The following GAL3ST3 variants were observed in gnomAD, a reference collection of about 807,000 sequenced individuals.
GAL3ST3 encodes the protein galactose-3-O-sulfotransferase 3.
GAL3ST3 carries 21 observed loss-of-function variants against 20.8 expected under a neutral mutation model. The observed-to-expected ratio is 1.01, with a 90% CI of 0.72 to 1.45. GAL3ST3 has a LOEUF of 1.45. Among genes scored for constraint, GAL3ST3 ranks in the 40% most tolerant of loss-of-function variants. The probability of loss-of-function intolerance (pLI) is 0.00; values close to 1 mark genes in which losing one functional copy is unlikely to be tolerated. For missense variants in GAL3ST3, 739 were observed against 662.7 expected (o/e 1.12, Z -1.26); for synonymous variants, 355 against 307.2 (o/e 1.16, Z -1.63).
chr11:66,044,802 G>T (rs1856762489), intron 2 of GAL3ST3, among the ~76,000 whole-genome samples: 1 of 152,176 alleles, frequency 6.6e-6, no homozygotes, highest in African/African-American at 2.4e-5. Flanking sequence ...ATTCTCAGGG[G>T]CAGACAGTGT....
chr11:66,045,099 A>G, intron 2 of GAL3ST3, 192 bp downstream of exon 2: 1 of 442,800 alleles, frequency 2.3e-6, no homozygotes, highest in Non-Finnish European at 4.0e-6. Flanking sequence ...ATCTCAGCTA[A>G]CTGATTCTGT....
rs952819668 is a variant in GAL3ST3 at position 66,045,349 on chromosome 11, G to A, written c.67C>T (p.Leu23=). The stretch of plus-strand genomic sequence containing the variant: ...CTTACGGTGCTGCACCCTAGCACCA[G>A]CAGCAGGATTTTCCGGCGGCTCATC... ...KMMSRRKILL[L]VLGCSTVSLL... Residue 23 remains leucine, a synonymous_variant, in exon 2 of 3, where the codon CTG becomes TTG. Transcript: ENST00000312006. The A allele has an allele frequency of 3.7e-6, 6 of 1,608,306 alleles. No homozygotes were observed. The African/African-American group carries it at 6.7e-5, about 18-fold the overall frequency.
Position 66,042,914 on chromosome 11 carries a change from G to A in GAL3ST3, c.889C>T (p.Leu297Phe). The A allele has an allele frequency of 8.2e-7, 1 of 1,225,534 alleles. No homozygotes were observed. Among genetic ancestry groups the A allele is most frequent in the Non-Finnish European group, 1.0e-6 (1 of 973,106 alleles). 75.9% of individuals were successfully genotyped at this position (1,225,534 alleles called of 1,614,324 possible). ...ARTWNALDAG[L>F]YDHFNATFWR... ...AAGGTGGCGTTGAAGTGGTCGTAGAGGCCGGCGTCCAGGGCGTTCCAGGTG... is the reference window on the plus strand; with the variant it reads ...AAGGTGGCGTTGAAGTGGTCGTAGAAGCCGGCGTCCAGGGCGTTCCAGGTG... Residue 297 changes from leucine to phenylalanine, a missense_variant, in exon 3 of 3, where the codon CTC (leucine) becomes TTC (phenylalanine). By Grantham distance (22) the Leu-to-Phe change is conservative. Coordinates refer to ENST00000312006, the MANE Select transcript of GAL3ST3 (RefSeq NM_033036.3).
chr11:66,047,066 G>A (rs572956806), intron 1 of GAL3ST3, among the ~76,000 whole-genome samples: 18 of 152,152 alleles, frequency 1.2e-4, no homozygotes, highest in African/African-American at 2.7e-4. Context: ...TAATCCGGCC[G>A]GAGCCAAGGG....
chr11:66,042,834 C>T lies in GAL3ST3; in HGVS notation c.969G>A (p.Glu323=). The change falls in exon 3 of 3, where the codon GAG becomes GAA. Residue 323 remains glutamate, a synonymous_variant. Coordinates refer to ENST00000312006, the MANE Select transcript of GAL3ST3 (RefSeq NM_033036.3). ...GTAGGCGCTGGCGGGCCTCGCGCAG[C>T]TCGCGCGCCTCGCGCTCCACGCACG... is the stretch of plus-strand genomic sequence containing the variant. ...GRACVEREAR[E]LREARQRLLR... 1.5e-6 allele frequency: 2 copies of T among 1,330,430 alleles called. 1 individual carries two copies. Among genetic ancestry groups the T allele is most frequent in the South Asian group, 3.4e-5 (2 of 58,816 alleles). The allele number at this position is 1,330,430 out of a possible 1,614,324, so 82.4% of individuals were successfully genotyped here. A position where few individuals can be genotyped will look rare whatever the true frequency, so the allele number is the denominator to read the frequency against.
In GAL3ST3 at chr11:66,042,576, G is replaced by A. The variant is rs1339874629; in HGVS notation, c.1227C>T (p.Pro409=). The change falls in exon 3 of 3, where the codon CCC becomes CCT. Residue 409 remains proline (P), a synonymous_variant. Coordinates refer to ENST00000312006, the MANE Select transcript of GAL3ST3 (RefSeq NM_033036.3). ...QKRRGGARAR[P]EPVLDNPPPR... ...GCGGGGGATTGTCCAGGACGGGCTCGGGCCGAGCCCGCGCACCGCCCCGGC... is the reference window on the plus strand; with the variant it reads ...GCGGGGGATTGTCCAGGACGGGCTCAGGCCGAGCCCGCGCACCGCCCCGGC... 2 of 1,534,934 alleles carry A rather than the reference G, an allele frequency of 1.3e-6. No individual in the cohort carries two copies. The highest frequency in any genetic ancestry group is 4.8e-5 in the East Asian group (2 of 41,436).
Position 66,041,499 on chromosome 11 carries a change from T to C in GAL3ST3, c.*1008A>G, listed in dbSNP as rs1565079312. On this transcript the variant is annotated 3_prime_UTR_variant, in exon 3 of 3. Transcript: ENST00000312006. ...AGCAGGCCATTAGTGAAGTCAGTGA[T>C]TCACAGGAGGAGGTCAAATTCTGAG... 6.6e-6 allele frequency among the ~76,000 whole-genome samples: 1 copy of C among 152,322 alleles called. No homozygotes were observed. Among genetic ancestry groups the C allele is most frequent in the East Asian group, 1.9e-4 (1 of 5,188 alleles).
In GAL3ST3 at chr11:66,041,292, G is replaced by GT. The variant is rs1411185434; in HGVS notation, c.*1214dup. 3.3e-5 allele frequency among the ~76,000 whole-genome samples: 5 copies of GT among 152,172 alleles called. No homozygotes were observed. The South Asian group carries it at 6.2e-4, about 19-fold the overall frequency. Reference sequence around the variant, plus strand: ...CACACCGTAGACCATAATAGCTATTGTTTTTTATCACTTGTCCAGATACGT... The same window carrying GT: ...CACACCGTAGACCATAATAGCTATTGTTTTTTTATCACTTGTCCAGATACGT... On this transcript the variant is annotated 3_prime_UTR_variant, in exon 3 of 3. Coordinates refer to ENST00000312006, the MANE Select transcript of GAL3ST3 (RefSeq NM_033036.3).
In GAL3ST3 at chr11:66,042,573, C is replaced by A; in HGVS notation, c.1230G>T (p.Glu410Asp). 1 of 1,532,696 alleles carries A rather than the reference C, an allele frequency of 6.5e-7. No individual in the cohort carries two copies. Among genetic ancestry groups the A allele is most frequent in the Non-Finnish European group, 8.7e-7 (1 of 1,145,844 alleles). 94.9% of individuals were successfully genotyped at this position (1,532,696 alleles called of 1,614,324 possible). A position where few individuals can be genotyped will look rare whatever the true frequency, so the allele number is the denominator to read the frequency against. Reference sequence around the variant, plus strand: ...GAGGCGGGGGATTGTCCAGGACGGGCTCGGGCCGAGCCCGCGCACCGCCCC... The same window carrying A: ...GAGGCGGGGGATTGTCCAGGACGGGATCGGGCCGAGCCCGCGCACCGCCCC... ...KRRGGARARPEPVLDNPPPRP... is the reference protein window; with the variant it reads ...KRRGGARARPDPVLDNPPPRP... Residue 410 changes from glutamate (E) to aspartate (D), a missense_variant, in exon 3 of 3, where the codon GAG becomes GAT. Physicochemically the swap from Glu to Asp is conservative, Grantham distance 45. Transcript: ENST00000312006.
Position 66,043,568 on chromosome 11 carries a change from C to G in GAL3ST3, c.235G>C (p.Val79Leu), listed in dbSNP as rs751779110. 1 of 1,612,362 alleles carries G rather than the reference C, an allele frequency of 6.2e-7. No homozygotes were observed. The highest frequency in any genetic ancestry group is 1.1e-5 in the South Asian group (1 of 91,078). The change falls in exon 3 of 3, where the codon GTG becomes CTG. Residue 79 changes from valine (V) to leucine (L), a missense_variant. Transcript: ENST00000312006. ...LKTHKTAGTT[V>L]QNILFRFAER... ...GCAAAGCGAAACAGGATGTTCTGCA[C>G]CGTCGTGCCTGCCGTCTTGTGAGTC...
rs139650872 is a variant in GAL3ST3, at chr11:66,044,354, A to G, written c.126-677T>C. Among the ~76,000 whole-genome samples, 63 of 152,366 alleles carry G rather than the reference A, an allele frequency of 4.1e-4. 1 individual carries two copies. Among genetic ancestry groups the G allele is most frequent in the Admixed American group, 7.8e-4 (12 of 15,312 alleles). ...AAGCTTTAAGATAATTTGTTTATGT[A>G]GAAATAAATAAGGGACAAAGACCCC... On this transcript the variant is annotated intron_variant, in intron 2 of 2. Transcript: ENST00000312006.
At position 66,042,649 on chromosome 11, in the gene GAL3ST3, G is replaced by T; in HGVS notation, c.1154C>A (p.Ala385Asp). ...GTTCGAGTACTGGACCTCGGGCATG[G>T]CCAGCTTGAGGCAGGCCTCGGTGGC... Reference protein sequence around the residue: ...GPATEACLKLAMPEVQYSNYL... With the variant: ...GPATEACLKLDMPEVQYSNYL... Residue 385 changes from alanine to aspartate, a missense_variant, in exon 3 of 3, where the codon GCC becomes GAC. Physicochemically the swap from Ala to Asp is moderately radical, Grantham distance 126. Transcript: ENST00000312006. The T allele has an allele frequency of 6.5e-7, 1 of 1,535,370 alleles. No homozygotes were observed. Among genetic ancestry groups the T allele is most frequent in the Non-Finnish European group, 8.7e-7 (1 of 1,146,450 alleles).
chr11:66,045,173 G>T, intron 2 of GAL3ST3, 118 bp downstream of exon 2: 1 of 852,146 alleles, frequency 1.2e-6, no homozygotes, highest in Non-Finnish European at 1.7e-6. Context: ...AGGCTGTGTG[G>T]CCCTAAAGGG....
rs889772349 is a variant in GAL3ST3 at position 66,046,864 on chromosome 11, G to A, written c.-112-1337C>T. 2.0e-5 allele frequency among the ~76,000 whole-genome samples: 3 copies of A among 152,192 alleles called. No individual in the cohort carries two copies. The East Asian group carries it at 5.8e-4, about 29-fold the overall frequency. ...ACACCTGGGTCCCAGGAGGGGTAAG[G>A]TAATATGAAAACCCTTTTGATCATC... On this transcript the variant is annotated intron_variant, in intron 1 of 2. Coordinates refer to ENST00000312006, the MANE Select transcript of GAL3ST3 (RefSeq NM_033036.3).
At chr11:66,048,847 C>T (rs1025522219) in intron 1 of GAL3ST3, among the ~76,000 whole-genome samples, 164 bp downstream of exon 1, 2 of 151,984 alleles carry the variant, frequency 1.3e-5, no homozygotes, top group African/African-American at 4.8e-5. Flanking sequence ...CCAGATTGGC[C>T]CGCTCACCCT....
chr11:66,045,121 A>T, intron 2 of GAL3ST3, 170 bp downstream of exon 2: 1 of 482,384 alleles, frequency 2.1e-6, no homozygotes, highest in Non-Finnish European at 3.5e-6. Flanking sequence ...ACTTTGAGCA[A>T]GTCACTCAGC....
rs1383806448 is a variant in GAL3ST3 at position 66,045,511 on chromosome 11, C to T, written c.-96G>A. The T allele has an allele frequency of 7.3e-6, 10 of 1,366,784 alleles. No homozygotes were observed. Among genetic ancestry groups the T allele is most frequent in the Admixed American group, 2.7e-5 (1 of 36,478 alleles). 84.7% of individuals were successfully genotyped at this position (1,366,784 alleles called of 1,614,324 possible). On this transcript the variant is annotated 5_prime_UTR_variant, in exon 2 of 3. Coordinates refer to ENST00000312006, the MANE Select transcript of GAL3ST3 (RefSeq NM_033036.3). ...GATCCTGCGGCTCTGGTAGCAGGGCCAGTGTTCCCGAGAAGCCTGGCAGAA... is the reference window on the plus strand; with the variant it reads ...GATCCTGCGGCTCTGGTAGCAGGGCTAGTGTTCCCGAGAAGCCTGGCAGAA...
At chr11:66,043,911 A>C (rs1348076937) in intron 2 of GAL3ST3, among the ~76,000 whole-genome samples, 1 of 152,170 alleles carries the variant, frequency 6.6e-6, no homozygotes, top group Non-Finnish European at 1.5e-5. Flanking sequence ...TGGACTTATC[A>C]TTGCATCTAA....
chr11:66,042,512 G>C lies in GAL3ST3; in HGVS notation c.1291C>G (p.Pro431Ala), dbSNP rs1332839781. 3 of 1,479,950 alleles carry C rather than the reference G, an allele frequency of 2.0e-6. No homozygotes were observed. In the South Asian group the frequency reaches 4.0e-5, roughly 20 times the overall value. 91.7% of individuals were successfully genotyped at this position (1,479,950 alleles called of 1,614,324 possible). Residue 431 changes from proline to alanine, a missense_variant, in exon 3 of 3, where the codon CCC becomes GCC. Coordinates refer to ENST00000312006, the MANE Select transcript of GAL3ST3 (RefSeq NM_033036.3). Reference sequence around the variant, plus strand: ...CTCCTGGAGGCCTGCGGAGCTCAGGGACCTTGAGGGCCGCGAGGCAGCACT... The same window carrying C: ...CTCCTGGAGGCCTGCGGAGCTCAGGCACCTTGAGGGCCGCGAGGCAGCACT... ...IRVLPRGPQGP is the reference protein window; with the variant it reads ...IRVLPRGPQGA
Sources: allele counts gnomAD v4.1 joint callset (sites outside exome capture counted in the v4.1 genomes callset), GRCh38; gene constraint gnomAD v4.1.1; transcripts MANE v1.5; gene names NCBI Gene and HGNC (gene_info 2026-07-23, HGNC 2026-07-21).